ESF1: variants seen among roughly 807,000 people sequenced by gnomAD.
ESF1 encodes ESF1 homolog.
ESF1 carries 58 observed loss-of-function variants against 92.0 expected under a neutral mutation model. The observed-to-expected ratio is 0.63, with a 90% confidence interval of 0.51 to 0.78. ESF1 has a LOEUF of 0.78. Among genes scored for constraint, ESF1 ranks in the 30% least tolerant of loss-of-function variants. The probability of loss-of-function intolerance (pLI) is 0.00; values close to 1 mark genes in which losing one functional copy is unlikely to be tolerated. For synonymous variants in ESF1, 321 were observed against 313.7 expected, an observed-to-expected ratio of 1.02 and a Z score of -0.24; for missense variants, 922 against 989.1, an observed-to-expected ratio of 0.93 and a Z score of 0.91.
intron 4 of ESF1, among the ~76,000 whole-genome samples, chr20:13,774,728 T>A (rs1979846648): frequency 6.6e-6 from 1 of 152,232 alleles, no homozygotes; most frequent in South Asian, 2.1e-4. Flanking sequence ...AAAATTTATG[T>A]AAGTTTTTCA....
At chr20:13,774,705 A>T (rs1200351666) in intron 4 of ESF1, among the ~76,000 whole-genome samples, 2 of 152,244 alleles carry the variant, frequency 1.3e-5, no homozygotes, top group African/African-American at 4.8e-5. Context: ...TTGGCTTGAA[A>T]TATGGTATCC....
At chr20:13,771,225 A>T (rs945017878) in intron 6 of ESF1, 106 bp downstream of exon 6, 5 of 1,144,508 alleles carry the variant, frequency 4.4e-6, no homozygotes, top group Non-Finnish European at 6.4e-6. Flanking sequence ...AAAGCAAAAA[A>T]ATCATTTTAG....
chr20:13,738,078 T>G (rs73899391), intron 9 of ESF1, among the ~76,000 whole-genome samples: 24 of 152,288 alleles, frequency 1.6e-4, no homozygotes, highest in African/African-American at 5.8e-4. Flanking sequence ...ACACATTCAC[T>G]CACATAACAG....
intron 2 of ESF1, among the ~76,000 whole-genome samples, chr20:13,780,326 T>C (rs1259095771): frequency 1.3e-5 from 2 of 152,252 alleles, no homozygotes; most frequent in Admixed American, 1.3e-4. Flanking sequence ...AGCTATGTTA[T>C]ATTAATTCAG....
intron 7 of ESF1, among the ~76,000 whole-genome samples, chr20:13,768,359 G>C (rs993153394): frequency 1.3e-5 from 2 of 152,118 alleles, no homozygotes; most frequent in African/African-American, 4.8e-5. Context: ...AAGGCGGGTG[G>C]ATCACCAGAG....
At chr20:13,716,009 A>G (rs1234014908) in intron 13 of ESF1, among the ~76,000 whole-genome samples, 1 of 152,238 alleles carries the variant, frequency 6.6e-6, no homozygotes, top group East Asian at 1.9e-4. Context: ...AAGTAACTCA[A>G]TAAAAACCTA....
At chr20:13,772,869 G>A (rs575585055) in intron 4 of ESF1, among the ~76,000 whole-genome samples, 1 of 152,104 alleles carries the variant, frequency 6.6e-6, no homozygotes, top group South Asian at 2.1e-4. Context: ...CATACCACCT[G>A]GGACAAGATG....
intron 8 of ESF1, chr20:13,762,853 AGT>A (rs2147765264): frequency 1.1e-5 from 3 of 278,454 alleles, no homozygotes; most frequent in East Asian, 1.2e-4. Context: ...TATTTATTAA[AGT>A]TTTTTTTTTT....
rs368059559 is a variant in ESF1 at position 13,782,546 on chromosome 20, G to C, written c.595C>G (p.Pro199Ala). The change falls in exon 2 of 14, where the codon CCC becomes GCC. Residue 199 changes from proline (P) to alanine (A), a missense_variant. Transcript: ENST00000617257. ...DSGTSEIVKS[P>A]RIECSKTRRE... is the part of the protein sequence containing the mutation. The stretch of plus-strand genomic sequence containing the variant: ...CTTGTCTTAGAACACTCGATTCTGG[G>C]AGATTTCACAATTTCAGAGGTGCCT... The C allele has an allele frequency of 2.6e-6, 4 of 1,563,492 alleles. No homozygotes were observed. The highest frequency in any genetic ancestry group is 1.4e-5 in the African/African-American group (1 of 71,730).
intron 9 of ESF1, among the ~76,000 whole-genome samples, chr20:13,748,566 GTGTGTGTGTATATA>G (rs1568718399): frequency 2.8e-4 from 12 of 43,274 alleles, no homozygotes; most frequent in African/African-American, 2.4e-3. Flanking sequence ...ATATATATAT[GTGTGTGTGTATATA>G]TATATATATA....
chr20:13,778,506 A>T (rs1249068030), intron 2 of ESF1, among the ~76,000 whole-genome samples: 6 of 152,014 alleles, frequency 3.9e-5, no homozygotes, highest in African/African-American at 1.4e-4. Context: ...GTTTTGCTCT[A>T]AACAATATTC....
intron 2 of ESF1, among the ~76,000 whole-genome samples, chr20:13,780,502 T>A (rs912847231): frequency 5.3e-5 from 8 of 152,184 alleles, no homozygotes; most frequent in African/African-American, 1.7e-4. Flanking sequence ...ACTACAAATG[T>A]AAAATGGGAT....
At chr20:13,727,956 T>C (rs2049913148) in intron 11 of ESF1, among the ~76,000 whole-genome samples, 1 of 152,170 alleles carries the variant, frequency 6.6e-6, no homozygotes, top group African/African-American at 2.4e-5. Context: ...TAAAAACAAA[T>C]TTGTTTCATA....
intron 9 of ESF1, 89 bp downstream of exon 9, chr20:13,759,603 A>C: frequency 6.7e-7 from 1 of 1,502,474 alleles, no homozygotes; most frequent in Non-Finnish European, 8.8e-7. Context: ...TAAGGTCCTC[A>C]CCAAAACATT....
intron 9 of ESF1, among the ~76,000 whole-genome samples, chr20:13,759,325 T>C (rs2147760790): frequency 6.6e-6 from 1 of 152,340 alleles, no homozygotes. Flanking sequence ...TGAAACCTCA[T>C]GAATTAAGGA....
chr20:13,767,328 A>C (rs1221794560), intron 7 of ESF1, among the ~76,000 whole-genome samples: 1 of 152,140 alleles, frequency 6.6e-6, no homozygotes, highest in Non-Finnish European at 1.5e-5. Context: ...GGAGTTCAAG[A>C]CCAGCCTGGC....
At chr20:13,783,810 T>G (rs1210093247) in intron 1 of ESF1, among the ~76,000 whole-genome samples, 2 of 152,112 alleles carry the variant, frequency 1.3e-5, no homozygotes, top group Non-Finnish European at 2.9e-5. Context: ...TGAGACCCTG[T>G]CTACCAAAAA....
chr20:13,745,504 T>C (rs2050042634), intron 9 of ESF1, among the ~76,000 whole-genome samples: 1 of 152,118 alleles, frequency 6.6e-6, no homozygotes, highest in Non-Finnish European at 1.5e-5. Context: ...CAGGCTAGAG[T>C]GTAACGGTAA....
At chr20:13,775,360 C>T in intron 3 of ESF1, 90 bp from the exon 4 acceptor site, 7 of 787,584 alleles carry the variant, frequency 8.9e-6, no homozygotes, top group Non-Finnish European at 1.4e-5. Context: ...TGCCTTCTGT[C>T]CCCTATGCTC....
Sources: gnomAD v4.1 joint callset for allele counts (sites outside exome capture counted in the v4.1 genomes callset) on GRCh38, gnomAD v4.1.1 for gene constraint, MANE v1.5 for transcripts, NCBI Gene and HGNC (gene_info 2026-07-23, HGNC 2026-07-21) for gene names.